The following ANKS6 variants were observed in gnomAD, a reference collection of about 807,000 sequenced individuals.
The protein encoded by ANKS6 is ankyrin repeat and SAM domain-containing protein 6.
ANKS6 carries 47 observed loss-of-function variants against 77.9 expected under a neutral mutation model. The ratio of observed to expected loss-of-function variants is 0.60; its 90% CI spans 0.48 to 0.77. The LOEUF is 0.77. ANKS6 is among the 30% of genes least tolerant of loss of function. The pLI, the probability that ANKS6 is intolerant of heterozygous loss-of-function variation, is 0.00. For synonymous variants in ANKS6, 488 were observed against 501.7 expected, an observed-to-expected ratio of 0.97 and a Z score of 0.37; for missense variants, 1,150 against 1,159.1, an observed-to-expected ratio of 0.99 and a Z score of 0.11.
chr9:98,793,726 G>C (rs1255750562), intron 1 of ANKS6, among the ~76,000 whole-genome samples: 1 of 151,416 alleles, frequency 6.6e-6, no homozygotes, highest in Non-Finnish European at 1.5e-5. Flanking sequence ...GTAGAGACAG[G>C]GTTTCACTAT....
chr9:98,775,103 G>C (rs62561318), intron 8 of ANKS6, among the ~76,000 whole-genome samples: 4,725 of 152,284 alleles, frequency 0.031, 108 homozygotes, highest in Non-Finnish European at 0.046. Context: ...TTTCCCTCTA[G>C]ACCACAACAA....
At chr9:98,788,782 C>T (rs927936970) in intron 2 of ANKS6, among the ~76,000 whole-genome samples, 2 of 152,218 alleles carry the variant, frequency 1.3e-5, no homozygotes, top group African/African-American at 2.4e-5. Flanking sequence ...GTGCTCTTCC[C>T]ATGGAATCCT....
At chr9:98,772,789 C>T (rs1479410464) in intron 9 of ANKS6, among the ~76,000 whole-genome samples, 1 of 152,168 alleles carries the variant, frequency 6.6e-6, no homozygotes, top group African/African-American at 2.4e-5. Flanking sequence ...CAAATCCCAG[C>T]TCAGCTGTCG....
At chr9:98,782,443 A>G (rs564432278) in intron 5 of ANKS6, 24 bp downstream of exon 5, 2 of 1,599,750 alleles carry the variant, frequency 1.3e-6, no homozygotes, top group East Asian at 2.2e-5. Flanking sequence ...GTAGATTTAC[A>G]ACCCTTTTCT....
In ANKS6 at chr9:98,790,247, A is replaced by G; in HGVS notation, c.719T>C (p.Val240Ala). The G allele has an allele frequency of 6.2e-7, 1 of 1,606,122 alleles. No homozygotes were observed. The highest frequency in any genetic ancestry group is 8.5e-7 in the Non-Finnish European group (1 of 1,174,452). Residue 240 changes from valine (V) to alanine (A), a missense_variant, in exon 2 of 15, where the codon GTG becomes GCG. Physicochemically the swap from Val to Ala is moderately conservative, Grantham distance 64. Transcript: ENST00000353234. ...MLAALTGRLG[V>A]AQQLVEKGAN... ...GCCCTTCTCCACCAGCTGCTGGGCC[A>G]CTCCAAGCCGCCCAGTGAGTGCGGC...
At chr9:98,742,496 A>G (rs952552494) in intron 14 of ANKS6, among the ~76,000 whole-genome samples, 5 of 152,226 alleles carry the variant, frequency 3.3e-5, no homozygotes, top group Admixed American at 6.5e-5. Context: ...CCTTTTCTCT[A>G]TGACTCATGA....
chr9:98,738,450 G>T (rs1831620298), intron 14 of ANKS6, among the ~76,000 whole-genome samples: 1 of 151,698 alleles, frequency 6.6e-6, no homozygotes, highest in Non-Finnish European at 1.5e-5. Context: ...ATTTTCAAAA[G>T]AAGATATACA....
intron 14 of ANKS6, among the ~76,000 whole-genome samples, chr9:98,738,907 C>T (rs183499566): frequency 8.0e-4 from 122 of 152,286 alleles, no homozygotes; most frequent in African/African-American, 2.2e-3. Flanking sequence ...TGGAATACTA[C>T]GCAGCCATAA....
chr9:98,750,978 T>C (rs756621554), intron 13 of ANKS6, 51 bp downstream of exon 13: 35 of 1,493,184 alleles, frequency 2.3e-5, no homozygotes, highest in Non-Finnish European at 3.1e-5. Context: ...TTTAGACAAA[T>C]TTTTCTTTCA....
At chr9:98,786,641 A>G (rs889115889) in intron 2 of ANKS6, among the ~76,000 whole-genome samples, 2 of 152,218 alleles carry the variant, frequency 1.3e-5, no homozygotes, top group East Asian at 3.8e-4. Flanking sequence ...GGGACACAGT[A>G]TATCAATTTT....
chr9:98,769,073 G>A (rs1259055851), intron 10 of ANKS6, among the ~76,000 whole-genome samples: 1 of 150,604 alleles, frequency 6.6e-6, no homozygotes, highest in African/African-American at 2.4e-5. Flanking sequence ...GCTGCAGTGA[G>A]TGAAGATCGC....
chr9:98,782,087 T>C (rs1834300694), intron 5 of ANKS6, among the ~76,000 whole-genome samples: 1 of 152,164 alleles, frequency 6.6e-6, no homozygotes, highest in Non-Finnish European at 1.5e-5. Flanking sequence ...CATCGCTCTA[T>C]CTCCCATTCT....
chr9:98,753,437 C>T lies in ANKS6; in HGVS notation c.2327-2341G>A, dbSNP rs529432731. Among the ~76,000 whole-genome samples the T allele has an allele frequency of 7.9e-5, 12 of 152,254 alleles. No homozygotes were observed. The East Asian group carries it at 2.3e-3, about 29-fold the overall frequency. On this transcript the variant is annotated intron_variant, in intron 12 of 14. Transcript: ENST00000353234. The stretch of plus-strand genomic sequence containing the variant: ...CACAAGATAACGGTTACAGATACAA[C>T]CTACTTTTAAGTTTAATCCTCATTG...
chr9:98,758,863 T>C (rs1374516194), intron 11 of ANKS6, among the ~76,000 whole-genome samples: 1 of 152,194 alleles, frequency 6.6e-6, no homozygotes, highest in East Asian at 1.9e-4. Flanking sequence ...TGTTAGCCCA[T>C]ATCCTGGTAA....
intron 11 of ANKS6, among the ~76,000 whole-genome samples, chr9:98,763,142 A>C (rs913619150): frequency 6.6e-6 from 1 of 152,104 alleles, no homozygotes; most frequent in Non-Finnish European, 1.5e-5. Flanking sequence ...ACTTAATTAT[A>C]CATTTATGGA....
rs1309771966 is a variant in ANKS6, at chr9:98,736,404, A to G, written c.*115T>C. ...CGACGTGAAGTGGGCATCCCGAGCAAAGGGAACAACATGACTAAGGCACAG... is the reference window on the plus strand; with the variant it reads ...CGACGTGAAGTGGGCATCCCGAGCAGAGGGAACAACATGACTAAGGCACAG... On this transcript the variant is annotated 3_prime_UTR_variant, in exon 15 of 15. Transcript: ENST00000353234. 1 of 1,440,942 alleles carries G rather than the reference A, an allele frequency of 6.9e-7. No individual in the cohort carries two copies. Among genetic ancestry groups the G allele is most frequent in the Non-Finnish European group, 9.1e-7 (1 of 1,097,650 alleles). 89.3% of individuals were successfully genotyped at this position (1,440,942 alleles called of 1,614,324 possible). A position where few individuals can be genotyped will look rare whatever the true frequency, so the allele number is the denominator to read the frequency against.
intron 4 of ANKS6, 47 bp downstream of exon 4, chr9:98,783,906 G>C (rs759213607): frequency 6.9e-7 from 1 of 1,456,066 alleles, no homozygotes; most frequent in Non-Finnish European, 9.1e-7. Flanking sequence ...TCTCAGGCCA[G>C]AGCATCTGTC....
intron 14 of ANKS6, among the ~76,000 whole-genome samples, chr9:98,740,870 CT>C (rs1334765411): frequency 1.3e-5 from 2 of 152,202 alleles, no homozygotes; most frequent in Admixed American, 1.3e-4. Flanking sequence ...AACAAGGTAC[CT>C]TTTTTTGCCT....
chr9:98,752,071 G>A (rs1832456255), intron 12 of ANKS6, among the ~76,000 whole-genome samples: 1 of 150,246 alleles, frequency 6.7e-6, no homozygotes, highest in African/African-American at 2.5e-5. Flanking sequence ...TCCAGCCTGG[G>A]CTACAAAGCA....
Sources: gnomAD v4.1 joint callset for allele counts (sites outside exome capture counted in the v4.1 genomes callset) on GRCh38, gnomAD v4.1.1 for gene constraint, MANE v1.5 for transcripts, NCBI Gene and HGNC (gene_info 2026-07-23, HGNC 2026-07-21) for gene names.